GFOD1: variants seen among roughly 807,000 people sequenced by gnomAD.
The protein encoded by GFOD1 is glucose-fructose oxidoreductase domain-containing protein 1.
In GFOD1, 9 loss-of-function variants were observed where a neutral mutation model predicts 25.4. The observed-to-expected ratio is 0.35, with a 90% CI of 0.21 to 0.62. GFOD1 has a LOEUF of 0.62. Ranked by LOEUF, GFOD1 falls within the 20% of genes least tolerant of loss-of-function variation. The probability of loss-of-function intolerance (pLI) is 0.72; values close to 1 mark genes in which losing one functional copy is unlikely to be tolerated. For missense variants in GFOD1, 403 were observed against 556.9 expected (o/e 0.72, Z 2.78); for synonymous variants, 253 against 245.6 (o/e 1.03, Z -0.28).
chr6:13,482,081 A>G (rs1277312194), intron 1 of GFOD1, among the ~76,000 whole-genome samples: 10 of 149,686 alleles, frequency 6.7e-5, no homozygotes, highest in Non-Finnish European at 1.3e-4. Context: ...TATGTAAAAT[A>G]TATGTATATA....
At chr6:13,448,696 T>C (rs918643246) in intron 1 of GFOD1, among the ~76,000 whole-genome samples, 2 of 152,216 alleles carry the variant, frequency 1.3e-5, no homozygotes, top group Non-Finnish European at 1.5e-5. Flanking sequence ...CAGCAGCTCC[T>C]GGGCATACAG....
chr6:13,483,518 G>A (rs536895713), intron 1 of GFOD1, among the ~76,000 whole-genome samples: 4 of 152,310 alleles, frequency 2.6e-5, no homozygotes, highest in African/African-American at 9.6e-5. Context: ...AGCACTGCCA[G>A]ATACTCCATA....
chr6:13,367,170 G>T (rs970802758), intron 1 of GFOD1, among the ~76,000 whole-genome samples: 2 of 152,130 alleles, frequency 1.3e-5, no homozygotes, highest in Non-Finnish European at 2.9e-5. Context: ...GGAGAAGAGT[G>T]CCTGTATTTG....
intron 1 of GFOD1, among the ~76,000 whole-genome samples, chr6:13,429,041 C>G (rs1021951035): frequency 2.6e-5 from 4 of 152,176 alleles, no homozygotes; most frequent in African/African-American, 9.7e-5. Context: ...CAGGACTCTA[C>G]AAACATGAGC....
At chr6:13,390,347 T>G (rs1442832675) in intron 1 of GFOD1, among the ~76,000 whole-genome samples, 2 of 151,980 alleles carry the variant, frequency 1.3e-5, no homozygotes, top group Non-Finnish European at 2.9e-5. Flanking sequence ...TCCCAGCACT[T>G]TGGGAGGCCG....
chr6:13,386,474 G>T (rs543941691), intron 1 of GFOD1, among the ~76,000 whole-genome samples: 11 of 152,334 alleles, frequency 7.2e-5, no homozygotes, highest in Admixed American at 3.9e-4. Flanking sequence ...AGCAGCCAGC[G>T]TCAGCAGAAG....
At chr6:13,455,891 T>G (rs539954564) in intron 1 of GFOD1, among the ~76,000 whole-genome samples, 3 of 152,334 alleles carry the variant, frequency 2.0e-5, no homozygotes, top group East Asian at 1.9e-4. Context: ...GCCCTCTTGG[T>G]ACAGCATTGT....
intron 1 of GFOD1, among the ~76,000 whole-genome samples, chr6:13,452,867 T>G (rs1293394196): frequency 6.6e-6 from 1 of 152,186 alleles, no homozygotes; most frequent in Non-Finnish European, 1.5e-5. Flanking sequence ...GTCTGACTCC[T>G]CTGAAGCTCA....
At chr6:13,467,935 C>T (rs1424352409) in intron 1 of GFOD1, among the ~76,000 whole-genome samples, 1 of 152,078 alleles carries the variant, frequency 6.6e-6, no homozygotes, top group Non-Finnish European at 1.5e-5. Context: ...CATTTTTGCC[C>T]TGTGAAAAAC....
chr6:13,485,373 G>C (rs1292043567), intron 1 of GFOD1, among the ~76,000 whole-genome samples: 2 of 152,122 alleles, frequency 1.3e-5, no homozygotes, highest in Admixed American at 6.5e-5. Context: ...CATAACTTCC[G>C]GCTGGTTTCT....
chr6:13,469,462 T>C (rs1215602054), intron 1 of GFOD1: 1 of 989,126 alleles, frequency 1.0e-6, no homozygotes, highest in African/African-American at 1.7e-5. Flanking sequence ...TCAGTCACCA[T>C]TTCCCCGTTT....
At position 13,457,558 on chromosome 6, in the gene GFOD1, G is replaced by A. The variant is rs142550525; in HGVS notation, c.253+29080C>T. Among the ~76,000 whole-genome samples the A allele has an allele frequency of 3.9e-5, 6 of 152,318 alleles. No individual in the cohort carries two copies. In the East Asian group the frequency reaches 5.8e-4, roughly 15 times the overall value. On this transcript the variant is annotated intron_variant, in intron 1 of 1. Transcript: ENST00000379287. The stretch of plus-strand genomic sequence containing the variant: ...GGGATGATGGAGCTGCGACTAGAAC[G>A]TGGTCGGATAATGCCCCACTCAGTG...
chr6:13,477,012 C>A (rs1758637110), intron 1 of GFOD1, among the ~76,000 whole-genome samples: 1 of 152,108 alleles, frequency 6.6e-6, no homozygotes, highest in Admixed American at 6.5e-5. Context: ...CGCTGGCTTT[C>A]CAGGTCTCCT....
At chr6:13,390,781 A>AG (rs1562202722) in intron 1 of GFOD1, among the ~76,000 whole-genome samples, 20 of 27,730 alleles carry the variant, frequency 7.2e-4, no homozygotes, top group South Asian at 7.0e-3. Context: ...GAGAGAGAGA[A>AG]AGGAAGGAAG....
intron 1 of GFOD1, among the ~76,000 whole-genome samples, chr6:13,474,384 AAAAAT>A (rs1025407361): frequency 3.9e-5 from 6 of 152,162 alleles, no homozygotes; most frequent in African/African-American, 4.8e-5. Flanking sequence ...CGTCTTGGGA[AAAAAT>A]AAAATAAAAT....
At chr6:13,476,062 A>G (rs1758617592) in intron 1 of GFOD1, among the ~76,000 whole-genome samples, 1 of 152,228 alleles carries the variant, frequency 6.6e-6, no homozygotes. Flanking sequence ...ATATATACAC[A>G]CTATACAACT....
chr6:13,432,763 G>A (rs775073429), intron 1 of GFOD1, among the ~76,000 whole-genome samples: 7 of 152,172 alleles, frequency 4.6e-5, no homozygotes, highest in East Asian at 1.9e-4. Flanking sequence ...TTCCCTGAGC[G>A]GGCAGCACAG....
rs376734735 is a variant in GFOD1, at chr6:13,365,469, C to T, written c.447G>A (p.Gln149=). ...YVGEPLVCEV[Q]VHGGSLLGKK... ...TGCCCAGCAGGCTGCCGCCGTGCAC[C>T]TGCACCTCACACACCAGCGGCTCGC... is the stretch of plus-strand genomic sequence containing the variant. The change falls in exon 2 of 2, where the codon CAG becomes CAA. Residue 149 remains glutamine (Q), a synonymous_variant. Transcript: ENST00000379287. This position sits in a 1 kb window ranked among gnomAD's most constrained non-coding sequence, Gnocchi z 9.2. 3 of 1,613,760 alleles carry T rather than the reference C, an allele frequency of 1.9e-6. No individual in the cohort carries two copies. The highest frequency in any genetic ancestry group is 2.5e-6 in the Non-Finnish European group (3 of 1,180,022).
chr6:13,423,712 C>A (rs1786299708), intron 1 of GFOD1, among the ~76,000 whole-genome samples: 3 of 152,172 alleles, frequency 2.0e-5, no homozygotes, highest in African/African-American at 7.2e-5. Context: ...TGGAAGGCAT[C>A]CTCTTCCCAC....
Sources: gnomAD v4.1 joint callset for allele counts (sites outside exome capture counted in the v4.1 genomes callset) on GRCh38, gnomAD v4.1.1 for gene constraint, Gnocchi (gnomAD v3.1) non-coding constraint, MANE v1.5 for transcripts, NCBI Gene and HGNC (gene_info 2026-07-23, HGNC 2026-07-21) for gene names.